DLG2: variants seen among roughly 807,000 people sequenced by gnomAD.
DLG2 encodes disks large homolog 2.
Under a neutral mutation model 132.5 loss-of-function variants are expected in DLG2, and 45 were observed. That is an observed-to-expected ratio of 0.34 (90% CI 0.27 to 0.44). DLG2 has a LOEUF of 0.44. Among genes scored for constraint, DLG2 ranks in the 20% least tolerant of loss-of-function variants. The pLI is 1.00. For missense variants in DLG2, 1,045 were observed against 1,196.9 expected, an observed-to-expected ratio of 0.87 and a Z score of 1.87; for synonymous variants, 424 against 419.6, an observed-to-expected ratio of 1.01 and a Z score of -0.13.
intron 7 of DLG2, among the ~76,000 whole-genome samples, chr11:84,503,522 A>T (rs905051438): frequency 6.6e-6 from 1 of 152,104 alleles, no homozygotes; most frequent in African/African-American, 2.4e-5. Context: ...GTTTCTTAGG[A>T]CCAAGCTTCT....
chr11:84,521,201 A>G (rs1437712482), intron 7 of DLG2, among the ~76,000 whole-genome samples: 1 of 152,210 alleles, frequency 6.6e-6, no homozygotes, highest in Non-Finnish European at 1.5e-5. Context: ...TCAACAACCT[A>G]GATTTGGCCC....
Position 84,196,892 on chromosome 11 carries a change from C to T in DLG2, c.574-33381G>A, listed in dbSNP as rs188836592. Among the ~76,000 whole-genome samples the T allele has an allele frequency of 7.9e-5, 12 of 151,784 alleles. No individual in the cohort carries two copies. The East Asian group carries it at 2.1e-3, about 27-fold the overall frequency. On this transcript the variant is annotated intron_variant, in intron 8 of 27. Coordinates refer to ENST00000376104, the MANE Select transcript of DLG2 (RefSeq NM_001142699.3). ...ACTCTACTAAAAATACAAAAATTAGCAGGGCATGGTGGCCCACGCCTGTAA... is the reference window on the plus strand; with the variant it reads ...ACTCTACTAAAAATACAAAAATTAGTAGGGCATGGTGGCCCACGCCTGTAA...
intron 17 of DLG2, among the ~76,000 whole-genome samples, chr11:83,815,899 T>C (rs2048755386): frequency 6.6e-6 from 1 of 152,178 alleles, no homozygotes; most frequent in East Asian, 1.9e-4. Context: ...ATATCTGACA[T>C]GGATAAGAGG....
chr11:85,623,164 T>C (rs1191652106), intron 2 of DLG2, among the ~76,000 whole-genome samples: 1 of 152,118 alleles, frequency 6.6e-6, no homozygotes, highest in East Asian at 1.9e-4. Flanking sequence ...TAGCTTTCAG[T>C]ACATGATAAA....
intron 4 of DLG2, among the ~76,000 whole-genome samples, chr11:85,177,245 G>T (rs2079333700): frequency 1.3e-5 from 2 of 149,158 alleles, no homozygotes; most frequent in Non-Finnish European, 3.0e-5. Context: ...AGAAAATGTG[G>T]TGTGTATGTA....
chr11:84,218,686 T>A (rs2096873309), intron 8 of DLG2, among the ~76,000 whole-genome samples: 1 of 152,224 alleles, frequency 6.6e-6, no homozygotes, highest in Non-Finnish European at 1.5e-5. Flanking sequence ...TGATCAGGAA[T>A]ACATATATTA....
At chr11:84,645,725 T>C (rs997057580) in intron 6 of DLG2, among the ~76,000 whole-genome samples, 4 of 152,122 alleles carry the variant, frequency 2.6e-5, no homozygotes, top group Non-Finnish European at 5.9e-5. Flanking sequence ...CCTCAGCCTC[T>C]CAAAGTGCTG....
chr11:84,437,964 T>C (rs1217421390), intron 7 of DLG2, among the ~76,000 whole-genome samples: 2 of 152,002 alleles, frequency 1.3e-5, no homozygotes, highest in Admixed American at 1.3e-4. Flanking sequence ...GCCTCGCAGG[T>C]AAATCAGCCA....
At chr11:84,004,132 A>C (rs928800356) in intron 11 of DLG2, among the ~76,000 whole-genome samples, 6 of 152,104 alleles carry the variant, frequency 3.9e-5, no homozygotes, top group Admixed American at 1.3e-4. Flanking sequence ...GACACAACAA[A>C]ATAAGAAAAC....
intron 4 of DLG2, among the ~76,000 whole-genome samples, chr11:85,265,726 C>T (rs746101006): frequency 6.6e-6 from 1 of 152,164 alleles, no homozygotes; most frequent in Non-Finnish European, 1.5e-5. Flanking sequence ...CTGCACCCAC[C>T]ATCCTGTGCC....
intron 17 of DLG2, among the ~76,000 whole-genome samples, chr11:83,808,080 G>T (rs766796054): frequency 1.6e-4 from 25 of 151,926 alleles, no homozygotes; most frequent in Non-Finnish European, 3.5e-4. Context: ...CAGCAGCCTC[G>T]TGCCGGTCAT....
chr11:85,275,400 A>T (rs1035596789), intron 4 of DLG2, among the ~76,000 whole-genome samples: 2 of 152,196 alleles, frequency 1.3e-5, no homozygotes, highest in Admixed American at 6.5e-5. Context: ...GCTAGACCTT[A>T]ATCTTATATT....
intron 3 of DLG2, among the ~76,000 whole-genome samples, chr11:85,354,734 C>T (rs1396497083): frequency 6.6e-6 from 1 of 151,474 alleles, no homozygotes; most frequent in South Asian, 2.1e-4. Flanking sequence ...CTGTTTCTCT[C>T]TCTCTCTCTC....
chr11:84,632,234 G>C (rs957020047), intron 6 of DLG2, among the ~76,000 whole-genome samples: 6 of 151,458 alleles, frequency 4.0e-5, no homozygotes, highest in Non-Finnish European at 8.8e-5. Context: ...GAACAGCAGA[G>C]ACTCCAGAAC....
intron 3 of DLG2, among the ~76,000 whole-genome samples, chr11:85,299,696 G>A (rs1337465711): frequency 6.6e-6 from 1 of 152,152 alleles, no homozygotes; most frequent in South Asian, 2.1e-4. Context: ...CACCCAAAGA[G>A]CTTGTTAAAA....
intron 6 of DLG2, among the ~76,000 whole-genome samples, chr11:84,777,997 C>T (rs1026395636): frequency 1.3e-5 from 2 of 152,104 alleles, no homozygotes; most frequent in African/African-American, 4.8e-5. Context: ...GTTGCCTGTG[C>T]TTTTCAGGAG....
chr11:84,041,072 G>C (rs1164164966), intron 11 of DLG2, among the ~76,000 whole-genome samples: 1 of 151,544 alleles, frequency 6.6e-6, no homozygotes, highest in Non-Finnish European at 1.5e-5. Flanking sequence ...CATTGATTTT[G>C]TATCCTGAGA....
At chr11:83,501,938 T>C (rs1353074085) in intron 21 of DLG2, among the ~76,000 whole-genome samples, 4 of 152,188 alleles carry the variant, frequency 2.6e-5, no homozygotes, top group African/African-American at 9.7e-5. Flanking sequence ...TTTCGTTTCA[T>C]CTTCAGCTTA....
intron 6 of DLG2, among the ~76,000 whole-genome samples, chr11:84,777,022 A>G (rs1195544375): frequency 6.6e-6 from 1 of 151,842 alleles, no homozygotes. Flanking sequence ...CCCATTAAGT[A>G]ATTTCTTATC....
Sources: allele counts gnomAD v4.1 joint callset (sites outside exome capture counted in the v4.1 genomes callset), GRCh38; gene constraint gnomAD v4.1.1; transcripts MANE v1.5; gene names NCBI Gene and HGNC (gene_info 2026-07-23, HGNC 2026-07-21).